XRRA1: variants seen among roughly 807,000 people sequenced by gnomAD.
XRRA1 encodes X-ray radiation resistance associated 1.
A neutral mutation model predicts 80.2 loss-of-function variants in XRRA1; 69 were observed. The ratio of observed to expected loss-of-function variants is 0.86; its 90% CI spans 0.71 to 1.05. The LOEUF (loss-of-function observed/expected upper bound fraction) is 1.05. Ranked by LOEUF, XRRA1 falls within the 50% of genes least tolerant of loss-of-function variation. The pLI, the probability that XRRA1 is intolerant of heterozygous loss-of-function variation, is 0.00. For synonymous variants in XRRA1, 348 were observed against 389.9 expected, an observed-to-expected ratio of 0.89 and a Z score of 1.27; for missense variants, 967 against 976.4, an observed-to-expected ratio of 0.99 and a Z score of 0.13.
In XRRA1 at chr11:74,943,280, T is replaced by G. The variant is rs554952943; in HGVS notation, c.-5+1738A>C. On this transcript the variant is annotated intron_variant, in intron 2 of 18. Transcript: ENST00000684022. ...GACTCTAGGGTATGACTCAGTCTTT[T>G]CTTCATCAAATGATTATTCTCTTCA... Among the ~76,000 whole-genome samples the G allele has an allele frequency of 5.3e-5, 8 of 152,272 alleles. No individual in the cohort carries two copies. In the South Asian group the frequency reaches 1.7e-3, roughly 32 times the overall value.
intron 10 of XRRA1, among the ~76,000 whole-genome samples, chr11:74,868,472 A>G (rs2043984292): frequency 6.6e-6 from 1 of 152,234 alleles, no homozygotes; most frequent in African/African-American, 2.4e-5. Flanking sequence ...CACATGAACA[A>G]GTCTGCATAA....
intron 10 of XRRA1, among the ~76,000 whole-genome samples, chr11:74,892,271 C>T (rs1365910707): frequency 6.6e-6 from 1 of 152,138 alleles, no homozygotes; most frequent in Non-Finnish European, 1.5e-5. Context: ...ACCATCTGAT[C>T]TTTGACAAAC....
At chr11:74,924,689 TG>T (rs1267610558) in intron 7 of XRRA1, among the ~76,000 whole-genome samples, 2 of 151,374 alleles carry the variant, frequency 1.3e-5, no homozygotes, top group African/African-American at 2.4e-5. Flanking sequence ...AAAAATTAGC[TG>T]GGTGTGGTGG....
intron 12 of XRRA1, among the ~76,000 whole-genome samples, chr11:74,858,256 A>G (rs1008898587): frequency 1.2e-4 from 18 of 152,350 alleles, no homozygotes; most frequent in African/African-American, 4.3e-4. Flanking sequence ...TGATACATCT[A>G]TGGTCCACTG....
chr11:74,914,253 T>C (rs1169631167), intron 8 of XRRA1, among the ~76,000 whole-genome samples: 1 of 152,228 alleles, frequency 6.6e-6, no homozygotes, highest in Admixed American at 6.5e-5. Flanking sequence ...CCCAAAGTGT[T>C]GGGATTACAG....
At chr11:74,947,980 G>A (rs1947949480) in intron 1 of XRRA1, among the ~76,000 whole-genome samples, 3 of 151,968 alleles carry the variant, frequency 2.0e-5, no homozygotes, top group Middle Eastern at 3.4e-3. Context: ...CTGCCTTGGC[G>A]GGGATTACAA....
chr11:74,870,624 C>G (rs555168097), intron 10 of XRRA1, among the ~76,000 whole-genome samples: 1 of 152,290 alleles, frequency 6.6e-6, no homozygotes, highest in South Asian at 2.1e-4. Flanking sequence ...GTGAGCATCT[C>G]TCTCCCCGCT....
At chr11:74,892,333 G>C (rs564245835) in intron 10 of XRRA1, among the ~76,000 whole-genome samples, 4 of 152,164 alleles carry the variant, frequency 2.6e-5, no homozygotes, top group African/African-American at 7.2e-5. Flanking sequence ...AAGTGGTGCC[G>C]GGAAAACTGC....
intron 5 of XRRA1, chr11:74,933,265 CT>C (rs1042088176): frequency 5.5e-4 from 81 of 146,252 alleles, no homozygotes; most frequent in Admixed American, 6.1e-4. Context: ...CTTTTCTTTT[CT>C]TTTTTTTTTT....
At chr11:74,932,968 GTATGT>G (rs748925949) in intron 5 of XRRA1, among the ~76,000 whole-genome samples, 18 of 152,192 alleles carry the variant, frequency 1.2e-4, no homozygotes, top group Non-Finnish European at 1.9e-4. Context: ...TACCAAAGAT[GTATGT>G]TATAATATCC....
chr11:74,907,505 TACAC>T (rs1204694361), intron 8 of XRRA1, among the ~76,000 whole-genome samples: 1 of 152,178 alleles, frequency 6.6e-6, no homozygotes, highest in Non-Finnish European at 1.5e-5. Context: ...GGAGAAAGGT[TACAC>T]ACATCATTGA....
At chr11:74,847,731 G>A (rs138109911) in intron 15 of XRRA1, among the ~76,000 whole-genome samples, 2 of 152,240 alleles carry the variant, frequency 1.3e-5, no homozygotes, top group African/African-American at 2.4e-5. Flanking sequence ...GCACCTTAAG[G>A]GCACGACCTG....
chr11:74,921,716 T>C (rs1940858990), intron 7 of XRRA1, among the ~76,000 whole-genome samples: 1 of 152,110 alleles, frequency 6.6e-6, no homozygotes, highest in Admixed American at 6.5e-5. Flanking sequence ...CCTTCTCAAT[T>C]CCCCAGACAG....
At chr11:74,866,677 AATCCTGGAATTG>A (rs2043500009) in intron 10 of XRRA1, among the ~76,000 whole-genome samples, 1 of 152,018 alleles carries the variant, frequency 6.6e-6, no homozygotes, top group African/African-American at 2.4e-5. Context: ...AAATCAAAGA[AATCCTGGAATTG>A]AAAAATATAA....
rs75258704 is a variant in XRRA1, at chr11:74,940,870, G to T, written c.9C>A (p.Phe3Leu). The T allele has an allele frequency of 6.2e-4, 997 of 1,607,300 alleles. 3 individuals carry two copies. The African/African-American group carries it at 0.012, about 19-fold the overall frequency. Residue 3 changes from phenylalanine to leucine, a missense_variant, in exon 3 of 19, where the codon TTC becomes TTA. By Grantham distance (22) the Phe-to-Leu change is conservative. Transcript: ENST00000684022. The part of the protein sequence containing the change: MA[F>L]SGIYKLDDGK... ...CATCATCCAGCTTGTAGATTCCTGA[G>T]AAGGCCATCTCCCTGAGAGCCAGGC... is the stretch of plus-strand genomic sequence containing the variant.
intron 10 of XRRA1, among the ~76,000 whole-genome samples, chr11:74,873,753 A>G (rs2045424518): frequency 6.6e-6 from 1 of 152,190 alleles, no homozygotes; most frequent in African/African-American, 2.4e-5. Context: ...AGCTTTGCCA[A>G]ACCTCAGTGA....
At chr11:74,896,176 T>A (rs575179030) in intron 10 of XRRA1, among the ~76,000 whole-genome samples, 9 of 152,250 alleles carry the variant, frequency 5.9e-5, no homozygotes, top group African/African-American at 2.2e-4. Context: ...TCTTGCACCA[T>A]TGGCACTGGC....
intron 14 of XRRA1, among the ~76,000 whole-genome samples, chr11:74,849,028 G>T (rs2039080415): frequency 6.6e-6 from 1 of 152,198 alleles, no homozygotes; most frequent in African/African-American, 2.4e-5. Flanking sequence ...TCAGGACCAA[G>T]AAAATAATTC....
At chr11:74,885,403 C>T (rs1467013465) in intron 10 of XRRA1, among the ~76,000 whole-genome samples, 1 of 151,958 alleles carries the variant, frequency 6.6e-6, no homozygotes, top group Non-Finnish European at 1.5e-5. Flanking sequence ...GGGATGTTAC[C>T]ACTGACCCCA....
Sources: gnomAD v4.1 joint callset for allele counts (sites outside exome capture counted in the v4.1 genomes callset) on GRCh38, gnomAD v4.1.1 for gene constraint, MANE v1.5 for transcripts, NCBI Gene and HGNC (gene_info 2026-07-23, HGNC 2026-07-21) for gene names.